PSPC1: variants seen among roughly 807,000 people sequenced by gnomAD.
The protein encoded by PSPC1 is paraspeckle protein 1.
Under a neutral mutation model 51.6 loss-of-function variants are expected in PSPC1, and 14 were observed. The ratio of observed to expected loss-of-function variants is 0.27; its 90% confidence interval spans 0.18 to 0.42. The LOEUF (loss-of-function observed/expected upper bound fraction) is 0.42. Ranked by LOEUF, PSPC1 falls within the 10% of genes least tolerant of loss-of-function variation. The pLI, the probability that PSPC1 is intolerant of heterozygous loss-of-function variation, is 1.00. For synonymous variants in PSPC1, 193 were observed against 231.9 expected, an observed-to-expected ratio of 0.83 and a Z score of 1.53; for missense variants, 406 against 701.1, an observed-to-expected ratio of 0.58 and a Z score of 4.75.
At chr13:19,742,057 G>A (rs1434805012) in intron 4 of PSPC1, among the ~76,000 whole-genome samples, 3 of 152,054 alleles carry the variant, frequency 2.0e-5, no homozygotes, top group Admixed American at 6.6e-5. Context: ...ACTTGAACCC[G>A]GGAGGTGGAG....
At chr13:19,777,679 G>A (rs1250181523) in intron 1 of PSPC1, among the ~76,000 whole-genome samples, 2 of 152,164 alleles carry the variant, frequency 1.3e-5, no homozygotes, top group Admixed American at 6.6e-5. Context: ...CAGGCACAGT[G>A]GCTCACACCT....
intron 5 of PSPC1, among the ~76,000 whole-genome samples, chr13:19,738,622 A>C (rs541582401): frequency 6.6e-6 from 1 of 152,188 alleles, no homozygotes; most frequent in Non-Finnish European, 1.5e-5. Context: ...GAGAATGACA[A>C]GTTAGCCGGG....
chr13:19,684,841 G>C (rs931240896), intron 6 of PSPC1, among the ~76,000 whole-genome samples: 1 of 152,184 alleles, frequency 6.6e-6, no homozygotes, highest in Admixed American at 6.5e-5. Context: ...CACTACTTCT[G>C]AATTAGAAGT....
intron 2 of PSPC1, among the ~76,000 whole-genome samples, chr13:19,770,912 C>CA (rs948802734): frequency 1.3e-5 from 2 of 150,066 alleles, no homozygotes; most frequent in East Asian, 2.0e-4. Flanking sequence ...AAAAAACAAA[C>CA]AAAAAAAACA....
chr13:19,696,501 A>ACACACACG (rs1879264121), intron 6 of PSPC1, among the ~76,000 whole-genome samples: 1 of 109,960 alleles, frequency 9.1e-6, no homozygotes, highest in African/African-American at 3.5e-5. Flanking sequence ...ACACACACGC[A>ACACACACG]CACACACACA....
At chr13:19,760,197 T>C (rs763642077) in intron 2 of PSPC1, among the ~76,000 whole-genome samples, 1 of 152,116 alleles carries the variant, frequency 6.6e-6, no homozygotes, top group Non-Finnish European at 1.5e-5. Flanking sequence ...CACCACCCAG[T>C]TTCCCTGTAT....
At chr13:19,697,509 A>G (rs971003696), downstream of PSPC1, among the ~76,000 whole-genome samples, 6 of 152,320 alleles carry the variant, frequency 3.9e-5, no homozygotes, top group Admixed American at 2.6e-4. Context: ...ATAAAATCTT[A>G]TATGACTAAG....
At chr13:19,759,203 A>G (rs1055383512) in intron 3 of PSPC1, 120 bp downstream of exon 3, 4 of 749,576 alleles carry the variant, frequency 5.3e-6, no homozygotes, top group Middle Eastern at 3.3e-4. Flanking sequence ...TGTAGACTAG[A>G]CCACTCTATT....
rs1015131321 is a variant in PSPC1 at position 19,733,695 on chromosome 13, G to A, written c.1053-3351C>T. Among the ~76,000 whole-genome samples the A allele has an allele frequency of 6.6e-5, 10 of 151,890 alleles. 1 individual carries two copies. The highest frequency in any genetic ancestry group is 6.2e-4 in the South Asian group (3 of 4,806). ...GGAGAATCGCTGGAACCTGGGAGGCGGAGGTTGCAGTGAGCTGAGATCATG... is the reference window on the plus strand; with the variant it reads ...GGAGAATCGCTGGAACCTGGGAGGCAGAGGTTGCAGTGAGCTGAGATCATG... On this transcript the variant is annotated intron_variant, in intron 5 of 8. Transcript: ENST00000338910.
chr13:19,772,497 G>C lies in PSPC1; in HGVS notation c.419C>G (p.Thr140Ser). The C allele has an allele frequency of 6.2e-7, 1 of 1,613,814 alleles. No individual in the cohort carries two copies. The highest frequency in any genetic ancestry group is 8.5e-7 in the Non-Finnish European group (1 of 1,179,840). Residue 140 changes from threonine to serine, a missense_variant, in exon 2 of 9, where the codon ACC becomes AGC. This residue lies in a region of PSPC1 where 180 missense variants were observed against 337.9 expected (regional missense o/e 0.53). Transcript: ENST00000338910. The part of the protein sequence containing the change: ...AEIAKAELDG[T>S]ILKSRPLRIR... ...CCGTAGAGGTCTGCTCTTGAGAATG[G>C]TGCCGTCCAGCTCTGCTTTTGCAAT... is the stretch of plus-strand genomic sequence containing the variant.
In PSPC1 at chr13:19,744,499, C is replaced by T. The variant is rs73437138; in HGVS notation, c.968-2850G>A. On this transcript the variant is annotated intron_variant, in intron 4 of 8. Transcript: ENST00000338910. ...CTAAAGCTTATACATCTGTACACTG[C>T]CATGATAATATCTTTCTAGGGGAAA... Among the ~76,000 whole-genome samples the T allele has an allele frequency of 1.9e-3, 289 of 152,268 alleles. 3 individuals are homozygous for T. The highest frequency in any genetic ancestry group is 6.6e-3 in the African/African-American group (273 of 41,558).
At chr13:19,700,333 C>T (rs1276268298), downstream of PSPC1, among the ~76,000 whole-genome samples, 1 of 152,034 alleles carries the variant, frequency 6.6e-6, no homozygotes, top group African/African-American at 2.4e-5. Flanking sequence ...TTTACAATTC[C>T]TATTTTTATT....
At chr13:19,722,226 G>C (rs559516758) in intron 6 of PSPC1, among the ~76,000 whole-genome samples, 2 of 152,328 alleles carry the variant, frequency 1.3e-5, no homozygotes, top group African/African-American at 4.8e-5. Context: ...ACCAGGTGCA[G>C]TGGCTCACAC....
At chr13:19,707,411 T>C (rs1011929086) in intron 7 of PSPC1, among the ~76,000 whole-genome samples, 1 of 152,200 alleles carries the variant, frequency 6.6e-6, no homozygotes, top group Non-Finnish European at 1.5e-5. Flanking sequence ...GTAGGTTTCG[T>C]TTGGTTATAC....
rs529862512 is a variant in PSPC1, at chr13:19,711,998, G to T, written c.1159-2399C>A. The stretch of plus-strand genomic sequence containing the variant: ...ATCACTACTTAGAAACTACTGATAG[G>T]TTCTTAGAACCTACTGATAAAACTT... On this transcript the variant is annotated intron_variant, in intron 6 of 8. Transcript: ENST00000338910. Among the ~76,000 whole-genome samples, 20 of 152,210 alleles carry T rather than the reference G, an allele frequency of 1.3e-4. No homozygotes were observed. The East Asian group carries it at 3.5e-3, about 26-fold the overall frequency.
chr13:19,736,575 C>A (rs1162465345), intron 5 of PSPC1, among the ~76,000 whole-genome samples: 3 of 152,058 alleles, frequency 2.0e-5, no homozygotes, highest in Non-Finnish European at 4.4e-5. Context: ...CCTAGCTACT[C>A]CGGAGGCTGA....
intron 6 of PSPC1, among the ~76,000 whole-genome samples, chr13:19,696,518 C>T (rs911486267): frequency 4.7e-5 from 7 of 148,464 alleles, no homozygotes; most frequent in Non-Finnish European, 8.9e-5. Context: ...CACACACATA[C>T]GCACACACAC....
chr13:19,698,247 T>C (rs1879474899), downstream of PSPC1, among the ~76,000 whole-genome samples: 1 of 151,864 alleles, frequency 6.6e-6, no homozygotes, highest in African/African-American at 2.4e-5. Flanking sequence ...TGAAGCTGTC[T>C]TGGTGTAATA....
At chr13:19,729,026 T>TA (rs1201428043) in intron 6 of PSPC1, among the ~76,000 whole-genome samples, 2 of 152,140 alleles carry the variant, frequency 1.3e-5, no homozygotes, top group African/African-American at 4.8e-5. Context: ...AATAACCCTT[T>TA]AAAAACAGAA....
Sources: allele counts gnomAD v4.1 joint callset (sites outside exome capture counted in the v4.1 genomes callset), GRCh38; gene constraint gnomAD v4.1.1; regional missense constraint gnomAD v4.1.1; transcripts MANE v1.5; gene names NCBI Gene and HGNC (gene_info 2026-07-23, HGNC 2026-07-21).